Variants in COL6A6 observed in about 807,000 individuals in gnomAD.
The protein encoded by COL6A6 is collagen type VI alpha 6 chain.
Under a neutral mutation model 208.6 loss-of-function variants are expected in COL6A6, and 183 were observed. The observed-to-expected ratio is 0.88, with a 90% CI of 0.78 to 0.99. The LOEUF (loss-of-function observed/expected upper bound fraction) is 0.99, where lower values mean the gene tolerates loss of function less well. Among genes scored for constraint, COL6A6 ranks in the 50% least tolerant of loss-of-function variants. The pLI is 0.00. For synonymous variants in COL6A6, 973 were observed against 1,011.8 expected (o/e 0.96, Z 0.73); for missense variants, 2,816 against 2,815.2 (o/e 1.00, Z -0.01).
intron 27 of COL6A6, among the ~76,000 whole-genome samples, chr3:130,635,132 G>A (rs554628099): frequency 1.3e-5 from 2 of 152,230 alleles, no homozygotes; most frequent in South Asian, 4.1e-4. Context: ...CTACTCAGGA[G>A]CCTAAGGTGG....
intron 31 of COL6A6, among the ~76,000 whole-genome samples, chr3:130,644,393 T>C (rs1020538814): frequency 6.6e-6 from 1 of 152,240 alleles, no homozygotes. Flanking sequence ...ACTGAGAAGC[T>C]GAATTTTTAT....
chr3:130,536,714 A>C (rs1171360754), intron 1 of COL6A6, among the ~76,000 whole-genome samples: 1 of 152,304 alleles, frequency 6.6e-6, no homozygotes, highest in East Asian at 1.9e-4. Flanking sequence ...GGTGAGAGAG[A>C]GGAAGGAGAT....
intron 33 of COL6A6, 28 bp from the exon 34 acceptor site, chr3:130,658,648 T>G: frequency 1.3e-6 from 2 of 1,534,624 alleles, no homozygotes; most frequent in Non-Finnish European, 1.8e-6. Context: ...ACCCACTAAG[T>G]TCTTTCTGCT....
intron 2 of COL6A6, 38 bp downstream of exon 2, chr3:130,560,466 T>G: frequency 2.0e-6 from 3 of 1,535,738 alleles, no homozygotes; most frequent in Non-Finnish European, 2.7e-6. Flanking sequence ...ATTTTGATTA[T>G]AGAAAATAGA....
At chr3:130,570,775 C>A (rs2063143288) in intron 6 of COL6A6, 43 bp from the exon 7 acceptor site, 1 of 1,502,028 alleles carries the variant, frequency 6.7e-7, no homozygotes, top group Non-Finnish European at 9.1e-7. Flanking sequence ...CCATGCTGTC[C>A]AAAGCTAATC....
chr3:130,668,026 A>G (rs1193190253), intron 36 of COL6A6, among the ~76,000 whole-genome samples: 3 of 151,800 alleles, frequency 2.0e-5, no homozygotes, highest in Admixed American at 1.3e-4. Context: ...TAAAAAGCCA[A>G]GAAAGTTTCT....
chr3:130,556,561 G>T (rs894232478), intron 1 of COL6A6, among the ~76,000 whole-genome samples: 5 of 151,682 alleles, frequency 3.3e-5, no homozygotes, highest in African/African-American at 4.8e-5. Context: ...TTATCTATTT[G>T]CATTTTCTCT....
At position 130,627,321 on chromosome 3, in the gene COL6A6, C is replaced by A; in HGVS notation, c.4944C>A (p.Gly1648=). 6.2e-7 allele frequency: 1 copy of A among 1,613,358 alleles called. No homozygotes were observed. Among genetic ancestry groups the A allele is most frequent in the Non-Finnish European group, 8.5e-7 (1 of 1,179,392 alleles). Residue 1648 remains glycine (G), a splice_region_variant and synonymous_variant, in exon 26 of 37, where the codon GGC becomes GGA. Transcript: ENST00000358511. The stretch of plus-strand genomic sequence containing the variant: ...GTAATCAATTGCTCTGTTTACAGGG[C>A]AATGATGGCAGTCCAGGTTATGGTA... The part of the protein sequence containing the change: ...VGFPGPRGLQ[G]NDGSPGYGSV...
chr3:130,611,951 A>G (rs2064371823), intron 23 of COL6A6, among the ~76,000 whole-genome samples: 1 of 152,104 alleles, frequency 6.6e-6, no homozygotes, highest in African/African-American at 2.4e-5. Flanking sequence ...ACTTTCAAGT[A>G]GGCCTCAGTG....
chr3:130,648,972 TATTTG>T lies in COL6A6; in HGVS notation c.5240-95_5240-91del, dbSNP rs1479072892. On this transcript the variant is annotated intron_variant, in intron 32 of 36. Coordinates refer to ENST00000358511, the MANE Select transcript of COL6A6 (RefSeq NM_001102608.3). ...TAATACTTAAATTATTCTCTTTAAGTATTTGAATGCTTAACATTTAAAATTACTTT... is the reference window on the plus strand; with the variant it reads ...TAATACTTAAATTATTCTCTTTAAGTAATGCTTAACATTTAAAATTACTTT... 4.2e-6 allele frequency: 4 copies of T among 960,980 alleles called. No individual in the cohort carries two copies. In the Admixed American group the frequency reaches 1.0e-4, roughly 24 times the overall value. 59.5% of individuals were successfully genotyped at this position (960,980 alleles called of 1,614,324 possible).
At chr3:130,658,643 C>T in intron 33 of COL6A6, 33 bp from the exon 34 acceptor site, 2 of 1,481,422 alleles carry the variant, frequency 1.4e-6, no homozygotes, top group Non-Finnish European at 1.9e-6. Flanking sequence ...GCCCTACCCA[C>T]TAAGTTCTTT....
chr3:130,577,081 G>A (rs2063315400), intron 8 of COL6A6, among the ~76,000 whole-genome samples: 1 of 152,182 alleles, frequency 6.6e-6, no homozygotes, highest in Non-Finnish European at 1.5e-5. Context: ...TGATGGAGGT[G>A]ACTAAGAATC....
At chr3:130,520,411 C>T (rs1406536026) in intron 1 of COL6A6, among the ~76,000 whole-genome samples, 2 of 152,198 alleles carry the variant, frequency 1.3e-5, no homozygotes, top group East Asian at 1.9e-4. Flanking sequence ...TCTGTTTCCT[C>T]GCCCTCCTTC....
intron 10 of COL6A6, 102 bp downstream of exon 10, chr3:130,582,170 C>A: frequency 1.4e-6 from 1 of 715,254 alleles, no homozygotes; most frequent in Non-Finnish European, 2.3e-6. Flanking sequence ...TTTGAATAAC[C>A]CTGATTTTGA....
chr3:130,619,230 G>A (rs80228238), intron 23 of COL6A6, among the ~76,000 whole-genome samples: 301 of 152,232 alleles, frequency 2.0e-3, no homozygotes, highest in African/African-American at 6.8e-3. Flanking sequence ...AGAGGAATCG[G>A]GGGGACAAGC....
chr3:130,624,594 G>T (rs1382885924), intron 24 of COL6A6, among the ~76,000 whole-genome samples: 1 of 152,164 alleles, frequency 6.6e-6, no homozygotes, highest in Non-Finnish European at 1.5e-5. Flanking sequence ...GGTGTCACTG[G>T]TAAAAATCAA....
chr3:130,602,466 C>G (rs1377276694), intron 20 of COL6A6, among the ~76,000 whole-genome samples: 3 of 152,108 alleles, frequency 2.0e-5, no homozygotes, highest in African/African-American at 7.2e-5. Flanking sequence ...GATAAAGCCT[C>G]ATTAGAAGAG....
chr3:130,668,137 C>G (rs1350241435), intron 36 of COL6A6, among the ~76,000 whole-genome samples: 1 of 151,374 alleles, frequency 6.6e-6, no homozygotes, highest in Admixed American at 6.6e-5. Flanking sequence ...ATTAAACATG[C>G]CAGTTACAAT....
intron 13 of COL6A6, among the ~76,000 whole-genome samples, chr3:130,592,328 A>G (rs758377468): frequency 5.9e-5 from 9 of 152,242 alleles, no homozygotes; most frequent in Non-Finnish European, 1.2e-4. Flanking sequence ...GAAGTCTCAC[A>G]CAGGCAGTAT....
Sources: gnomAD v4.1 joint callset for allele counts (sites outside exome capture counted in the v4.1 genomes callset) on GRCh38, gnomAD v4.1.1 for gene constraint, MANE v1.5 for transcripts, NCBI Gene and HGNC (gene_info 2026-07-23, HGNC 2026-07-21) for gene names.